PWWP2A: variants seen among roughly 807,000 people sequenced by gnomAD.
PWWP2A encodes PWWP domain-containing protein 2A.
Under a neutral mutation model 48.5 loss-of-function variants are expected in PWWP2A, and 18 were observed. The ratio of observed to expected loss-of-function variants is 0.37; its 90% confidence interval spans 0.26 to 0.55. PWWP2A has a LOEUF of 0.55. Among genes scored for constraint, PWWP2A ranks in the 20% least tolerant of loss-of-function variants. PWWP2A has a pLI of 0.81. For synonymous variants in PWWP2A, 396 were observed against 387.7 expected, an observed-to-expected ratio of 1.02 and a Z score of -0.25; for missense variants, 867 against 976.4, an observed-to-expected ratio of 0.89 and a Z score of 1.49.
chr5:160,116,853 G>T (rs998433147), intron 1 of PWWP2A: 1 of 853,518 alleles, frequency 1.2e-6, no homozygotes, highest in African/African-American at 1.8e-5. Flanking sequence ...AGCACTTTGG[G>T]AGGCCAAGGT....
At chr5:160,089,658 A>C (rs980576758), downstream of PWWP2A, 5 of 1,285,384 alleles carry the variant, frequency 3.9e-6, no homozygotes, top group African/African-American at 7.6e-5. Context: ...CATTTCTGAG[A>C]ATTTCCAGAA....
chr5:160,115,125 G>C, intron 1 of PWWP2A, among the ~76,000 whole-genome samples: 1 of 129,896 alleles, frequency 7.7e-6, no homozygotes, highest in Non-Finnish European at 1.5e-5. Flanking sequence ...GGGTAACAGA[G>C]GGAGACTCTG....
rs757950062 is a variant in PWWP2A, at chr5:160,093,924, G to A, written c.726C>T (p.Asp242=). The change falls in exon 2 of 2, where the codon GAC becomes GAT. Residue 242 remains aspartate, a synonymous_variant. Coordinates refer to ENST00000307063, the MANE Select transcript of PWWP2A (RefSeq NM_001130864.2). This position sits in a 1 kb window ranked among gnomAD's most constrained non-coding sequence, Gnocchi z 5.8. ...KCEANGAVPD[D]PSPVPHPELS... is the part of the protein sequence containing the mutation. ...GCTCGGGATGCGGGACAGGAGAAGG[G>A]TCATCGGGAACAGCACCATTTGCTT... 1 of 1,614,048 alleles carries A rather than the reference G, an allele frequency of 6.2e-7. No individual in the cohort carries two copies. The highest frequency in any genetic ancestry group is 8.5e-7 in the Non-Finnish European group (1 of 1,179,910).
chr5:160,075,903 T>C (rs1050467962), exon 4 of PWWP2A: 1 of 151,756 alleles, frequency 6.6e-6, no homozygotes, highest in African/African-American at 2.4e-5. Flanking sequence ...TCAAAGACTT[T>C]ATTGGATAAA....
chr5:160,100,196 G>T (rs1281805852), intron 1 of PWWP2A, among the ~76,000 whole-genome samples: 1 of 152,042 alleles, frequency 6.6e-6, no homozygotes, highest in African/African-American at 2.4e-5. Flanking sequence ...AGCTACTGGG[G>T]AGGCTCAGGC....
rs764479391 is a variant in PWWP2A at position 160,106,820 on chromosome 5, C to CTTTT, written c.584+11981_584+11984dup. On this transcript the variant is annotated intron_variant, in intron 1 of 1. Coordinates refer to ENST00000307063, the MANE Select transcript of PWWP2A (RefSeq NM_001130864.2). Reference sequence around the variant, plus strand: ...GTCTCATTGTTAACTAACCATTAACCTTTTTTTTTTTTTTTTTTTTTTGAG... The same window carrying CTTTT: ...GTCTCATTGTTAACTAACCATTAACCTTTTTTTTTTTTTTTTTTTTTTTTTTGAG... 2.4e-3 allele frequency among the ~76,000 whole-genome samples: 287 copies of CTTTT among 119,756 alleles called. 3 individuals are homozygous for CTTTT. The highest frequency in any genetic ancestry group is 6.9e-3 in the African/African-American group (225 of 32,690). 78.6% of individuals were successfully genotyped at this position (119,756 alleles called of 152,430 possible).
At chr5:160,081,659 G>A (rs757532172) in intron 2 of PWWP2A, among the ~76,000 whole-genome samples, 5 of 152,154 alleles carry the variant, frequency 3.3e-5, no homozygotes, top group Non-Finnish European at 4.4e-5. Flanking sequence ...GTAATACCTC[G>A]TTGAAATAAC....
intron 1 of PWWP2A, among the ~76,000 whole-genome samples, chr5:160,104,341 G>A (rs1220425412): frequency 1.3e-5 from 2 of 151,694 alleles, no homozygotes; most frequent in African/African-American, 4.8e-5. Context: ...TGAGGTGAAA[G>A]GATCGCTTGA....
At chr5:160,071,675 C>G (rs1753742501), downstream of PWWP2A, among the ~76,000 whole-genome samples, 1 of 152,158 alleles carries the variant, frequency 6.6e-6, no homozygotes, top group African/African-American at 2.4e-5. Context: ...TGCTTGTTAT[C>G]TGTGCTCTCT....
Position 160,094,021 on chromosome 5 carries a change from T to G in PWWP2A, c.629A>C (p.Glu210Ala), listed in dbSNP as rs1755359190. 6.2e-7 allele frequency: 1 copy of G among 1,613,816 alleles called. No individual in the cohort carries two copies. Among genetic ancestry groups the G allele is most frequent in the Non-Finnish European group, 8.5e-7 (1 of 1,179,776 alleles). ...GIPVTVFPKR[E>A]YKDKPEAMPL... is the part of the protein sequence containing the mutation. ...CATGGCTTCTGGTTTATCCTTATAT[T>G]CCCTTTTGGGAAATACTGTCACAGG... The change falls in exon 2 of 2, where the codon GAA (glutamate) becomes GCA (alanine). Residue 210 changes from glutamate (E) to alanine (A), a missense_variant. Glu to Ala is a moderately radical substitution (Grantham distance 107). Around this residue, in one of 4 missense-constraint regions of PWWP2A, gnomAD observed 385 missense variants for 396.9 expected, o/e 0.97. Transcript: ENST00000307063.
chr5:160,094,192 C>T, intron 1 of PWWP2A, 127 bp from the exon 2 acceptor site: 2 of 1,176,218 alleles, frequency 1.7e-6, no homozygotes, highest in Non-Finnish European at 2.3e-6. Context: ...TATTAAAAAA[C>T]AAGACTACAA....
At chr5:160,105,239 CAAAAAAAAAAAAAA>C (rs70990704) in intron 1 of PWWP2A, among the ~76,000 whole-genome samples, 5 of 48,944 alleles carry the variant, frequency 1.0e-4, no homozygotes, top group Non-Finnish European at 1.7e-4. Flanking sequence ...GTCTCTAAGG[CAAAAAAAAAAAAAA>C]AAAAAAAAAA....
downstream of PWWP2A, among the ~76,000 whole-genome samples, chr5:160,056,843 T>G (rs1050374891): frequency 2.0e-5 from 3 of 152,212 alleles, no homozygotes; most frequent in Non-Finnish European, 4.4e-5. Flanking sequence ...ACCTGGACAT[T>G]GTGTGCTTTT....
Position 160,118,895 on chromosome 5 carries a change from G to A in PWWP2A, c.494C>T (p.Thr165Met), listed in dbSNP as rs770013601. ...QLIPGSEVRV[T>M]LDHIIEDALV... ...CGCGTCCTCAATGATGTGGTCCAGCGTGACCCGCACCTCCGAGCCCGGGAT... is the reference window on the plus strand; with the variant it reads ...CGCGTCCTCAATGATGTGGTCCAGCATGACCCGCACCTCCGAGCCCGGGAT... The change falls in exon 1 of 2, where the codon ACG (threonine) becomes ATG (methionine). Residue 165 changes from threonine to methionine, a missense_variant. Physicochemically the swap from Thr to Met is moderately conservative, Grantham distance 81. This residue lies in a region of PWWP2A where 385 missense variants were observed against 396.9 expected (regional missense o/e 0.97). Coordinates refer to ENST00000307063, the MANE Select transcript of PWWP2A (RefSeq NM_001130864.2). 32 of 1,601,746 alleles carry A rather than the reference G, an allele frequency of 2.0e-5. 1 individual carries two copies. The highest frequency in any genetic ancestry group is 1.7e-4 in the Middle Eastern group (1 of 6,054).
Position 160,118,918 on chromosome 5 carries a change from G to T in PWWP2A, c.471C>A (p.Ile157=), listed in dbSNP as rs1157400830. Residue 157 remains isoleucine, a synonymous_variant, in exon 1 of 2, where the codon ATC becomes ATA. Coordinates refer to ENST00000307063, the MANE Select transcript of PWWP2A (RefSeq NM_001130864.2). ...AGGDSTVSQL[I]PGSEVRVTLD... The stretch of plus-strand genomic sequence containing the variant: ...GCGTGACCCGCACCTCCGAGCCCGG[G>T]ATCAGTTGCGACACCGTGGAGTCCC... The T allele has an allele frequency of 6.2e-7, 1 of 1,602,018 alleles. No individual in the cohort carries two copies. The highest frequency in any genetic ancestry group is 1.7e-5 in the Admixed American group (1 of 58,926).
chr5:160,113,309 C>A (rs936890876), intron 1 of PWWP2A: 6 of 982,158 alleles, frequency 6.1e-6, no homozygotes, highest in South Asian at 9.4e-5. Flanking sequence ...TGTTCTCCAA[C>A]CAAATAAATC....
Position 160,093,839 on chromosome 5 carries a change from G to A in PWWP2A, c.811C>T (p.Pro271Ser), listed in dbSNP as rs1755334250. The change falls in exon 2 of 2, where the codon CCT becomes TCT. Residue 271 changes from proline to serine, a missense_variant. This residue lies in a region of PWWP2A where 385 missense variants were observed against 396.9 expected (regional missense o/e 0.97). Coordinates refer to ENST00000307063, the MANE Select transcript of PWWP2A (RefSeq NM_001130864.2). The surrounding 1 kb of genome is among the most constrained non-coding windows in gnomAD (Gnocchi z 5.8). ...KPPPLFHEGA[P>S]YPPPLFIRDT... The stretch of plus-strand genomic sequence containing the variant: ...CTGATAAACAAAGGGGGAGGATAAG[G>A]TGCTCCTTCATGGAAGAGAGGTGGT... 1 of 1,613,928 alleles carries A rather than the reference G, an allele frequency of 6.2e-7. No homozygotes were observed. The highest frequency in any genetic ancestry group is 1.1e-5 in the South Asian group (1 of 91,094).
At chr5:160,109,029 G>A (rs1269372081) in intron 1 of PWWP2A, among the ~76,000 whole-genome samples, 1 of 152,112 alleles carries the variant, frequency 6.6e-6, no homozygotes, top group Non-Finnish European at 1.5e-5. Flanking sequence ...TGTCACCCAG[G>A]CTGGAGTGCA....
chr5:160,073,004 C>CAAAAAAA (rs35836307), downstream of PWWP2A, among the ~76,000 whole-genome samples: 33 of 58,858 alleles, frequency 5.6e-4, no homozygotes, highest in African/African-American at 2.4e-3. Flanking sequence ...GGCTCCGTCT[C>CAAAAAAA]AAAAAAAAAA....
Sources: gnomAD v4.1 joint callset for allele counts (sites outside exome capture counted in the v4.1 genomes callset) on GRCh38, gnomAD v4.1.1 for gene constraint, gnomAD v4.1.1 regional missense constraint, Gnocchi (gnomAD v3.1) non-coding constraint, MANE v1.5 for transcripts, NCBI Gene and HGNC (gene_info 2026-07-23, HGNC 2026-07-21) for gene names.